BDP1: variants seen among roughly 807,000 people sequenced by gnomAD.
The protein encoded by BDP1 is transcription factor TFIIIB component B'' homolog.
BDP1 carries 169 observed loss-of-function variants against 266.6 expected under a neutral mutation model. That is an observed-to-expected ratio of 0.63 (90% CI 0.56 to 0.72). BDP1 has a LOEUF of 0.72. Ranked by LOEUF, BDP1 falls within the 30% of genes least tolerant of loss-of-function variation. The probability of loss-of-function intolerance (pLI) is 0.00; values close to 1 mark genes in which losing one functional copy is unlikely to be tolerated. For synonymous variants in BDP1, 1,090 were observed against 1,022.4 expected (o/e 1.07, Z -1.26); for missense variants, 3,015 against 3,053.8 (o/e 0.99, Z 0.30).
chr5:71,465,415 C>A (rs1016414949), intron 4 of BDP1, among the ~76,000 whole-genome samples: 2 of 152,064 alleles, frequency 1.3e-5, no homozygotes, highest in Non-Finnish European at 2.9e-5. Context: ...GCACGCATCA[C>A]CATGCTGGGC....
At chr5:71,562,791 T>C in intron 38 of BDP1, 1 of 1,356,998 alleles carries the variant, frequency 7.4e-7, no homozygotes, top group Non-Finnish European at 9.7e-7. Context: ...TTCTGACTTG[T>C]GGAAGCAAAA....
downstream of BDP1, among the ~76,000 whole-genome samples, chr5:71,569,758 AAC>A (rs1169869323): frequency 2.6e-5 from 4 of 152,226 alleles, no homozygotes; most frequent in East Asian, 1.9e-4. Context: ...ATAATTAGAA[AAC>A]ACACACACTC....
At chr5:71,524,419 T>G (rs1765663388) in intron 25 of BDP1, 96 bp downstream of exon 25, 1 of 1,299,460 alleles carries the variant, frequency 7.7e-7, no homozygotes, top group Non-Finnish European at 1.1e-6. Context: ...TAGTGATTAT[T>G]AGGATTTGAA....
At chr5:71,571,241 C>T (rs1466447112), downstream of BDP1, among the ~76,000 whole-genome samples, 2 of 152,138 alleles carry the variant, frequency 1.3e-5, no homozygotes, top group African/African-American at 4.8e-5. Context: ...ACATCCTGGG[C>T]TCAAGGGATC....
At chr5:71,546,248 A>G (rs1742293655) in intron 32 of BDP1, among the ~76,000 whole-genome samples, 1 of 152,142 alleles carries the variant, frequency 6.6e-6, no homozygotes, top group Non-Finnish European at 1.5e-5. Context: ...ATTATCCCAT[A>G]CACTTCACTT....
chr5:71,481,171 C>T (rs1480272849), intron 7 of BDP1, among the ~76,000 whole-genome samples: 2 of 148,708 alleles, frequency 1.3e-5, no homozygotes, highest in African/African-American at 4.9e-5. Flanking sequence ...AAGATTCCGT[C>T]TCAAAAAAAA....
intron 15 of BDP1, among the ~76,000 whole-genome samples, chr5:71,503,216 A>T (rs1368308214): frequency 6.6e-6 from 1 of 152,084 alleles, no homozygotes; most frequent in Non-Finnish European, 1.5e-5. Flanking sequence ...CAAACTCCTG[A>T]CCTCAGGTGA....
chr5:71,522,613 G>A, intron 23 of BDP1, 123 bp downstream of exon 23: 1 of 1,169,216 alleles, frequency 8.6e-7, no homozygotes, highest in Non-Finnish European at 1.2e-6. Flanking sequence ...TTCATGAAAA[G>A]TGACTTTCTA....
chr5:71,517,616 A>G (rs1580125807), intron 22 of BDP1, among the ~76,000 whole-genome samples, 164 bp downstream of exon 22: 1 of 152,212 alleles, frequency 6.6e-6, no homozygotes, highest in Non-Finnish European at 1.5e-5. Context: ...CTTCTCGAAT[A>G]CTGTATGAAT....
At chr5:71,497,560 A>G (rs1763971312) in intron 13 of BDP1, 134 bp downstream of exon 13, 3 of 656,458 alleles carry the variant, frequency 4.6e-6, no homozygotes, top group South Asian at 2.8e-5. Context: ...TTACATTAAC[A>G]TTAGATTTGT....
At chr5:71,470,963 A>C (rs1438598204) in intron 7 of BDP1, among the ~76,000 whole-genome samples, 1 of 151,134 alleles carries the variant, frequency 6.6e-6, no homozygotes, top group African/African-American at 2.4e-5. Context: ...AATATTTATC[A>C]GTTCTGATAT....
chr5:71,517,253 T>C (rs761287178), intron 21 of BDP1, 69 bp from the exon 22 acceptor site: 100 of 1,236,094 alleles, frequency 8.1e-5, no homozygotes, highest in Non-Finnish European at 1.1e-4. Context: ...AATATCTTAA[T>C]GGTGGAAATA....
intron 32 of BDP1, chr5:71,545,539 C>T (rs766984307): frequency 1.0e-5 from 3 of 294,954 alleles, no homozygotes; most frequent in Non-Finnish European, 1.9e-5. Flanking sequence ...CCATATTGGC[C>T]AGGCTGGTCT....
In BDP1 at chr5:71,509,976, A is replaced by G. The variant is rs750194217; in HGVS notation, c.2884A>G (p.Asn962Asp). ...EVETDLKATG[N>D]ESSPREKTPE... is the part of the protein sequence containing the mutation. ...GGAGACAGATTTGAAAGCAACTGGA[A>G]ATGAGAGTTCCCCAAGGGAGAAGAC... Residue 962 changes from asparagine to aspartate, a missense_variant, in exon 17 of 39, where the codon AAT (asparagine) becomes GAT (aspartate). Transcript: ENST00000358731. The G allele has an allele frequency of 2.5e-6, 4 of 1,613,600 alleles. No homozygotes were observed. The highest frequency in any genetic ancestry group is 3.4e-6 in the Non-Finnish European group (4 of 1,179,914).
At chr5:71,501,366 G>T (rs767566617) in intron 13 of BDP1, among the ~76,000 whole-genome samples, 196 bp from the exon 14 acceptor site, 5 of 152,128 alleles carry the variant, frequency 3.3e-5, no homozygotes, top group African/African-American at 4.8e-5. Flanking sequence ...AGTAGAGACA[G>T]TTTCACCATG....
At chr5:71,559,325 A>C (rs115113371) in intron 36 of BDP1, among the ~76,000 whole-genome samples, 121 of 152,316 alleles carry the variant, frequency 7.9e-4, no homozygotes, top group Non-Finnish European at 1.4e-3. Context: ...ACCACAATAC[A>C]GTGAAGTGTT....
In BDP1 at chr5:71,555,951, G is replaced by A. The variant is rs557200480; in HGVS notation, c.7201-935G>A. On this transcript the variant is annotated intron_variant, in intron 35 of 38. Coordinates refer to ENST00000358731, the MANE Select transcript of BDP1 (RefSeq NM_018429.3). ...CATATTAACTTAGATTAACTTAGGG[G>A]AAATTGACAGCATAATTATAATATT... Among the ~76,000 whole-genome samples, 15 of 152,198 alleles carry A rather than the reference G, an allele frequency of 9.9e-5. No homozygotes were observed. The South Asian group carries it at 3.1e-3, about 32-fold the overall frequency.
At chr5:71,562,632 A>G in intron 38 of BDP1, 112 bp downstream of exon 38, 1 of 1,489,992 alleles carries the variant, frequency 6.7e-7, no homozygotes, top group African/African-American at 1.4e-5. Flanking sequence ...AAATTATTTT[A>G]GAGCAACTCC....
chr5:71,464,144 C>G, intron 4 of BDP1, 27 bp downstream of exon 4: 1 of 1,351,600 alleles, frequency 7.4e-7, no homozygotes, highest in Non-Finnish European at 1.0e-6. Context: ...TGAATATATT[C>G]TATTCCTACA....
Sources: allele counts gnomAD v4.1 joint callset (sites outside exome capture counted in the v4.1 genomes callset), GRCh38; gene constraint gnomAD v4.1.1; transcripts MANE v1.5; gene names NCBI Gene and HGNC (gene_info 2026-07-23, HGNC 2026-07-21).